The following DYSF variants were observed in gnomAD, a reference collection of about 807,000 sequenced individuals.
The protein encoded by DYSF is dystrophy-associated fer-1-like 1.
DYSF carries 212 observed loss-of-function variants against 274.9 expected under a neutral mutation model. The ratio of observed to expected loss-of-function variants is 0.77; its 90% CI spans 0.69 to 0.86. DYSF has a LOEUF of 0.86. Ranked by LOEUF, DYSF falls within the 40% of genes least tolerant of loss-of-function variation. DYSF has a pLI of 0.00. For missense variants in DYSF, 2,666 were observed against 2,783.2 expected (o/e 0.96, Z 0.95); for synonymous variants, 1,091 against 1,078.7 (o/e 1.01, Z -0.22).
Position 71,574,337 on chromosome 2 carries a change from G to A in DYSF, c.3368G>A (p.Gly1123Glu), listed in dbSNP as rs148489131. The change falls in exon 30 of 56, where the codon GGG becomes GAG. Residue 1123 changes from glycine to glutamate, a missense_variant. Around this residue, in one of 3 missense-constraint regions of DYSF, gnomAD observed 1,460 missense variants for 1,502.1 expected, o/e 0.97. Transcript: ENST00000410020. ...CGCATGGAGCCACTGGAGAAGACGG[G>A]GCCTGCAGCTGTGTTTGCCCTTGAG... ...RRRMEPLEKT[G>E]PAAVFALEGA... 4 of 1,613,948 alleles carry A rather than the reference G, an allele frequency of 2.5e-6. No homozygotes were observed. The African/African-American group carries it at 4.0e-5, about 16-fold the overall frequency.
intron 55 of DYSF, among the ~76,000 whole-genome samples, chr2:71,685,441 C>T (rs994945704): frequency 1.3e-5 from 2 of 152,222 alleles, no homozygotes; most frequent in African/African-American, 2.4e-5. Context: ...CACATCCTGC[C>T]TCCTTCCACC....
At chr2:71,517,363 C>T (rs752484964) in intron 10 of DYSF, among the ~76,000 whole-genome samples, 2 of 152,202 alleles carry the variant, frequency 1.3e-5, no homozygotes, top group Non-Finnish European at 2.9e-5. Context: ...GGGTCCAACC[C>T]ATTGCCCACC....
chr2:71,553,239 G>T (rs777165268), intron 20 of DYSF, 51 bp downstream of exon 20: 1 of 1,611,366 alleles, frequency 6.2e-7, no homozygotes, highest in South Asian at 1.1e-5. Context: ...ATAGAGCAGG[G>T]GGCCACACCT....
chr2:71,574,989 C>T (rs117422545), intron 30 of DYSF, among the ~76,000 whole-genome samples: 1 of 152,172 alleles, frequency 6.6e-6, no homozygotes, highest in Non-Finnish European at 1.5e-5. Context: ...TGGCACACAG[C>T]CAGTCCCCAC....
chr2:71,628,262 G>A (rs1174368495), intron 41 of DYSF, among the ~76,000 whole-genome samples: 1 of 151,910 alleles, frequency 6.6e-6, no homozygotes, highest in African/African-American at 2.4e-5. Flanking sequence ...TCTTCCTCCA[G>A]AATATTACAA....
intron 47 of DYSF, 90 bp from the exon 48 acceptor site, chr2:71,667,286 A>G: frequency 6.3e-7 from 1 of 1,594,424 alleles, no homozygotes; most frequent in Non-Finnish European, 8.6e-7. Context: ...TATGACTCTT[A>G]GGCAGCCCTG....
rs546679270 is a variant in DYSF, at chr2:71,551,713, G to C, written c.1799G>C (p.Arg600Pro). Residue 600 changes from arginine (R) to proline (P), a missense_variant, in exon 19 of 56, where the codon CGG becomes CCG. Coordinates refer to ENST00000410020, the MANE Select transcript of DYSF (RefSeq NM_001130987.2). ...VEDLPADDIL[R>P]VEKYLRRRKY... The stretch of plus-strand genomic sequence containing the variant: ...GACCTTCCTGCGGATGACATCCTCC[G>C]GGTGGAGGTGAGGGGTGTGGCTCTG... 6.2e-7 allele frequency: 1 copy of C among 1,604,686 alleles called. No individual in the cohort carries two copies. Among genetic ancestry groups the C allele is most frequent in the Non-Finnish European group, 8.5e-7 (1 of 1,177,232 alleles).
At chr2:71,667,619 T>A in intron 48 of DYSF, 104 bp downstream of exon 48, 1 of 1,527,558 alleles carries the variant, frequency 6.5e-7, no homozygotes, top group Non-Finnish European at 8.9e-7. Context: ...CCTTGAGATT[T>A]GGTCAATCCT....
intron 36 of DYSF, among the ~76,000 whole-genome samples, chr2:71,610,293 G>C (rs1163720500): frequency 1.3e-5 from 2 of 152,192 alleles, no homozygotes; most frequent in Admixed American, 1.3e-4. Flanking sequence ...GGTTATACAG[G>C]TATTAACTTC....
chr2:71,562,076 A>C, intron 23 of DYSF, 132 bp downstream of exon 23: 1 of 1,274,712 alleles, frequency 7.8e-7, no homozygotes, highest in Non-Finnish European at 1.1e-6. Context: ...TGGGCAGGTG[A>C]CTTAACCTCT....
chr2:71,558,043 A>G (rs1290795903), intron 22 of DYSF, among the ~76,000 whole-genome samples: 3 of 152,080 alleles, frequency 2.0e-5, no homozygotes, highest in African/African-American at 7.2e-5. Flanking sequence ...AAAAAAAAAA[A>G]AGTAAATGAC....
intron 24 of DYSF, among the ~76,000 whole-genome samples, chr2:71,566,979 A>G (rs555933167): frequency 1.6e-4 from 24 of 152,134 alleles, no homozygotes; most frequent in Admixed American, 1.5e-3. Context: ...CTGCCCTTTC[A>G]TCTTCTGAAC....
chr2:71,669,167 A>G lies in DYSF; in HGVS notation c.5602A>G (p.Ser1868Gly), dbSNP rs772883184. 1 of 1,610,830 alleles carries G rather than the reference A, an allele frequency of 6.2e-7. No individual in the cohort carries two copies. Among genetic ancestry groups the G allele is most frequent in the Non-Finnish European group, 8.5e-7 (1 of 1,178,684 alleles). Reference sequence around the variant, plus strand: ...CAGAGATGTGATCCTGGATGACCTGAGCCTCACGGGGGAGAAGATGAGCGA... The same window carrying G: ...CAGAGATGTGATCCTGGATGACCTGGGCCTCACGGGGGAGAAGATGAGCGA... ...NTRDVILDDLSLTGEKMSDIY... is the reference protein window; with the variant it reads ...NTRDVILDDLGLTGEKMSDIY... The change falls in exon 50 of 56, where the codon AGC becomes GGC. Residue 1868 changes from serine to glycine, a missense_variant. Coordinates refer to ENST00000410020, the MANE Select transcript of DYSF (RefSeq NM_001130987.2).
chr2:71,643,170 T>C (rs1031713174), intron 41 of DYSF, among the ~76,000 whole-genome samples: 6 of 152,084 alleles, frequency 3.9e-5, no homozygotes, highest in Non-Finnish European at 4.4e-5. Context: ...AGGAATATTC[T>C]AGACACCAGA....
At chr2:71,513,154 GT>G in intron 5 of DYSF, 85 bp from the exon 6 acceptor site, 1 of 1,311,668 alleles carries the variant, frequency 7.6e-7, no homozygotes, top group South Asian at 1.3e-5. Flanking sequence ...GGAAGGCAGG[GT>G]TGGGGATGGA....
At chr2:71,488,268 A>G (rs1201495370) in intron 3 of DYSF, among the ~76,000 whole-genome samples, 1 of 152,242 alleles carries the variant, frequency 6.6e-6, no homozygotes, top group East Asian at 1.9e-4. Flanking sequence ...ATATCAACAC[A>G]TTAAACTGGC....
intron 19 of DYSF, 64 bp from the exon 20 acceptor site, chr2:71,552,947 C>T (rs1573941554): frequency 3.2e-6 from 5 of 1,576,584 alleles, no homozygotes; most frequent in Non-Finnish European, 3.5e-6. Flanking sequence ...CGTATGTCCC[C>T]TCCCCAGCCT....
rs370286628 is a variant in DYSF at position 71,682,531 on chromosome 2, C to A, written c.6175C>A (p.Arg2059Ser). 1.9e-6 allele frequency: 3 copies of A among 1,614,078 alleles called. No homozygotes were observed. Among genetic ancestry groups the A allele is most frequent in the Non-Finnish European group, 2.5e-6 (3 of 1,179,998 alleles). The change falls in exon 55 of 56, where the codon CGC (arginine) becomes AGC (serine). Residue 2059 changes from arginine (R) to serine (S), a missense_variant and splice_region_variant. This residue lies in a region of DYSF where 1,460 missense variants were observed against 1,502.1 expected (regional missense o/e 0.97). Coordinates refer to ENST00000410020, the MANE Select transcript of DYSF (RefSeq NM_001130987.2). ...NMNPKLEDPR[R>S]PDTSFLWFTS... ...TGACCTCCGGGATCTCGCTTCCAGG[C>A]GCCCCGACACCTCCTTCCTGTGGTT...
intron 41 of DYSF, among the ~76,000 whole-genome samples, chr2:71,620,966 C>G (rs1202054602): frequency 1.3e-5 from 2 of 152,068 alleles, no homozygotes; most frequent in Non-Finnish European, 2.9e-5. Context: ...GGCGTGGGAC[C>G]TCAGACGGCA....
Sources: allele counts gnomAD v4.1 joint callset (sites outside exome capture counted in the v4.1 genomes callset), GRCh38; gene constraint gnomAD v4.1.1; regional missense constraint gnomAD v4.1.1; transcripts MANE v1.5; gene names NCBI Gene and HGNC (gene_info 2026-07-23, HGNC 2026-07-21).